Variants in GRIA4 observed in about 807,000 individuals in gnomAD.
GRIA4 encodes the protein glutamate ionotropic receptor AMPA type subunit 4.
GRIA4 carries 34 observed loss-of-function variants against 104.0 expected under a neutral mutation model. That is an observed-to-expected ratio of 0.33 (90% CI 0.25 to 0.44). GRIA4 has a LOEUF of 0.44. Among genes scored for constraint, GRIA4 ranks in the 20% least tolerant of loss-of-function variants. The probability of loss-of-function intolerance (pLI) is 1.00; values close to 1 mark genes in which losing one functional copy is unlikely to be tolerated. For synonymous variants in GRIA4, 386 were observed against 381.9 expected (o/e 1.01, Z -0.13); for missense variants, 750 against 1,096.5 (o/e 0.68, Z 4.46).
intron 4 of GRIA4, among the ~76,000 whole-genome samples, chr11:105,800,718 G>A (rs1019453389): frequency 1.3e-5 from 2 of 151,722 alleles, no homozygotes; most frequent in Non-Finnish European, 2.9e-5. Flanking sequence ...GTCCAATCTC[G>A]TTTTAGTTTT....
chr11:105,980,006 TA>T lies in GRIA4; in HGVS notation c.*268del. On this transcript the variant is annotated 3_prime_UTR_variant, in exon 17 of 17. Coordinates refer to ENST00000282499, the MANE Select transcript of GRIA4 (RefSeq NM_000829.4). Reference sequence around the variant, plus strand: ...GTGGGGGAGGGATCTGGGATGGGTGTATTAACAGCAACAAATTTCATTCGAG... The same window carrying T: ...GTGGGGGAGGGATCTGGGATGGGTGTTTAACAGCAACAAATTTCATTCGAG... 2.9e-6 allele frequency: 1 copy of T among 344,192 alleles called. No individual in the cohort carries two copies. Among genetic ancestry groups the T allele is most frequent in the Non-Finnish European group, 5.4e-6 (1 of 185,462 alleles). 21.3% of individuals were successfully genotyped at this position (344,192 alleles called of 1,614,324 possible). A position where few individuals can be genotyped will look rare whatever the true frequency, so the allele number is the denominator to read the frequency against.
chr11:105,745,895 C>G (rs1939627006), intron 3 of GRIA4, among the ~76,000 whole-genome samples: 1 of 152,050 alleles, frequency 6.6e-6, no homozygotes, highest in African/African-American at 2.4e-5. Flanking sequence ...TTTAGCTTGC[C>G]TGCCTCTCCT....
In GRIA4 at chr11:105,924,732, G is replaced by T; in HGVS notation, c.1810G>T (p.Gly604Cys). Residue 604 changes from glycine to cysteine, a missense_variant, in exon 12 of 17, where the codon GGT becomes TGT. By Grantham distance (159) the Gly-to-Cys change is radical. Coordinates refer to ENST00000282499, the MANE Select transcript of GRIA4 (RefSeq NM_000829.4). Reference sequence around the variant, plus strand: ...CTTTAACAGCCTCTGGTTTTCCCTGGGTGCTTTTATGCAGCAAGGATGTGA... The same window carrying T: ...CTTTAACAGCCTCTGGTTTTCCCTGTGTGCTTTTATGCAGCAAGGATGTGA... ...GIFNSLWFSL[G>C]AFMQQGCDIS... 1 of 1,611,648 alleles carries T rather than the reference G, an allele frequency of 6.2e-7. No individual in the cohort carries two copies. Among genetic ancestry groups the T allele is most frequent in the Non-Finnish European group, 8.5e-7 (1 of 1,178,470 alleles).
In GRIA4 at chr11:105,801,869, T is replaced by C. The variant is rs147094550; in HGVS notation, c.487+48649T>C. Among the ~76,000 whole-genome samples the C allele has an allele frequency of 6.8e-4, 104 of 152,232 alleles. 1 individual carries two copies. The highest frequency in any genetic ancestry group is 2.4e-3 in the Admixed American group (36 of 15,268). On this transcript the variant is annotated intron_variant, in intron 4 of 16. Transcript: ENST00000282499. Reference sequence around the variant, plus strand: ...TTCATGATATCTAACTAAAATACTTTGTAATACCAAGAAGAGTATGACACC... The same window carrying C: ...TTCATGATATCTAACTAAAATACTTCGTAATACCAAGAAGAGTATGACACC...
intron 3 of GRIA4, among the ~76,000 whole-genome samples, chr11:105,653,027 T>C (rs561664307): frequency 3.5e-4 from 53 of 152,272 alleles, no homozygotes; most frequent in African/African-American, 1.2e-3. Flanking sequence ...TTCTCCTGCC[T>C]CAGCCTCCCG....
chr11:105,676,109 A>AT (rs1411247673), intron 3 of GRIA4, among the ~76,000 whole-genome samples: 7 of 151,890 alleles, frequency 4.6e-5, no homozygotes, highest in African/African-American at 1.7e-4. Flanking sequence ...AGAGAATGTT[A>AT]TTTTTTAATT....
chr11:105,812,038 T>TGCCTGGAAGGCTGGGA (rs1468173410), intron 4 of GRIA4, among the ~76,000 whole-genome samples: 1 of 152,212 alleles, frequency 6.6e-6, no homozygotes, highest in African/African-American at 2.4e-5. Flanking sequence ...TCAGGGCGGG[T>TGCCTGGAAGGCTGGGA]GCCTGGAAGG....
intron 14 of GRIA4, among the ~76,000 whole-genome samples, chr11:105,953,334 C>G (rs1218249545): frequency 8.5e-5 from 13 of 152,106 alleles, no homozygotes; most frequent in Admixed American, 8.5e-4. Context: ...ACACAGAGTT[C>G]TGGGGTTGTT....
At chr11:105,668,670 C>CTTTTTTTTTTT (rs1158226074) in intron 3 of GRIA4, among the ~76,000 whole-genome samples, 1 of 69,672 alleles carries the variant, frequency 1.4e-5, no homozygotes, top group Non-Finnish European at 2.6e-5. Flanking sequence ...CACTTATTAT[C>CTTTTTTTTTTT]TTTTGTCTTT....
intron 3 of GRIA4, among the ~76,000 whole-genome samples, chr11:105,681,952 G>T (rs1952723752): frequency 6.6e-6 from 1 of 152,022 alleles, no homozygotes; most frequent in African/African-American, 2.4e-5. Flanking sequence ...TGAAGCAGGA[G>T]AATCACTTGA....
At chr11:105,938,744 G>C (rs1479301659) in intron 14 of GRIA4, among the ~76,000 whole-genome samples, 1 of 152,024 alleles carries the variant, frequency 6.6e-6, no homozygotes, top group African/African-American at 2.4e-5. Flanking sequence ...ATGCTTACAA[G>C]AGCTACCTAG....
chr11:105,783,784 GTGTA>G (rs1249660713), intron 4 of GRIA4, among the ~76,000 whole-genome samples: 1 of 147,476 alleles, frequency 6.8e-6, no homozygotes, highest in African/African-American at 2.5e-5. Context: ...GTGTGTGTGT[GTGTA>G]TGTGTATGAG....
At chr11:105,952,764 C>T (rs1948486048) in intron 14 of GRIA4, among the ~76,000 whole-genome samples, 1 of 152,130 alleles carries the variant, frequency 6.6e-6, no homozygotes, top group African/African-American at 2.4e-5. Flanking sequence ...ACACTAAATC[C>T]TTCCTTATCA....
chr11:105,814,563 A>T (rs1190029925), intron 4 of GRIA4, among the ~76,000 whole-genome samples: 1 of 152,186 alleles, frequency 6.6e-6, no homozygotes, highest in Non-Finnish European at 1.5e-5. Context: ...ATAATAGTAA[A>T]GCAATTGTAG....
intron 3 of GRIA4, among the ~76,000 whole-genome samples, chr11:105,670,335 C>T (rs1047488470): frequency 3.3e-5 from 5 of 152,050 alleles, no homozygotes; most frequent in African/African-American, 1.2e-4. Context: ...TTGTAGAACA[C>T]TTTAAAGTCC....
intron 5 of GRIA4, among the ~76,000 whole-genome samples, chr11:105,877,487 A>G (rs1945873790): frequency 6.6e-6 from 1 of 152,198 alleles, no homozygotes. Context: ...CTCCTGGATA[A>G]TATCCTGAAG....
chr11:105,638,547 G>A (rs1295538044), intron 3 of GRIA4, among the ~76,000 whole-genome samples: 1 of 151,976 alleles, frequency 6.6e-6, no homozygotes, highest in Non-Finnish European at 1.5e-5. Flanking sequence ...GTATGTGTGT[G>A]TGTGTGTGTG....
chr11:105,887,241 G>C (rs1344278275), intron 5 of GRIA4, among the ~76,000 whole-genome samples: 3 of 152,022 alleles, frequency 2.0e-5, no homozygotes, highest in Non-Finnish European at 2.9e-5. Context: ...ATATGTAAAT[G>C]TTGGTTCATA....
chr11:105,727,578 A>T (rs2135595079), intron 3 of GRIA4, among the ~76,000 whole-genome samples: 1 of 152,294 alleles, frequency 6.6e-6, no homozygotes, highest in South Asian at 2.1e-4. Context: ...TAATCATCAG[A>T]TTCACCAAGG....
Sources: gnomAD v4.1 joint callset for allele counts (sites outside exome capture counted in the v4.1 genomes callset) on GRCh38, gnomAD v4.1.1 for gene constraint, MANE v1.5 for transcripts, NCBI Gene and HGNC (gene_info 2026-07-23, HGNC 2026-07-21) for gene names.